FUT8: variants seen among roughly 807,000 people sequenced by gnomAD.
FUT8 encodes alpha-(1,6)-fucosyltransferase.
In FUT8, 29 loss-of-function variants were observed where a neutral mutation model predicts 71.3. The observed-to-expected ratio is 0.41, with a 90% CI of 0.30 to 0.55. The LOEUF (loss-of-function observed/expected upper bound fraction) is 0.55, where lower values mean the gene tolerates loss of function less well. FUT8 is among the 20% of genes least tolerant of loss of function. The pLI, the probability that FUT8 is intolerant of heterozygous loss-of-function variation, is 0.34. For missense variants in FUT8, 544 were observed against 702.1 expected (o/e 0.77, Z 2.55); for synonymous variants, 254 against 239.3 (o/e 1.06, Z -0.57).
At position 65,742,428 on chromosome 14, in the gene FUT8, T is replaced by G. The variant is rs1295833855; in HGVS notation, c.*18T>G. Reference sequence around the variant, plus strand: ...AGAAATAAAGCTCAGATGGAAGAGATAAACGACCAAACTCAGTTCGACCAA... The same window carrying G: ...AGAAATAAAGCTCAGATGGAAGAGAGAAACGACCAAACTCAGTTCGACCAA... On this transcript the variant is annotated 3_prime_UTR_variant, in exon 11 of 11. Transcript: ENST00000673929. The G allele has an allele frequency of 4.4e-6, 7 of 1,601,926 alleles. No homozygotes were observed. In the South Asian group the frequency reaches 4.4e-5, roughly 10 times the overall value.
chr14:65,368,543 GAT>G, the FUT8 span, among the ~76,000 whole-genome samples: 1 of 127,454 alleles, frequency 7.8e-6, no homozygotes, highest in African/African-American at 2.8e-5. Flanking sequence ...TTTTTTTTGA[GAT>G]GGAGTCTGGC....
chr14:65,669,471 C>T lies in FUT8; in HGVS notation c.826C>T (p.His276Tyr), dbSNP rs748960945. The part of the protein sequence containing the change: ...CTDRSGISTG[H>Y]WSGEVKDKNV... Reference sequence around the variant, plus strand: ...AGACAGATCTGGCATCTCCACTGGACACTGGTCAGGTAAGGAGCTTGTGCA... The same window carrying T: ...AGACAGATCTGGCATCTCCACTGGATACTGGTCAGGTAAGGAGCTTGTGCA... The change falls in exon 7 of 11, where the codon CAC becomes TAC. Residue 276 changes from histidine (H) to tyrosine (Y), a missense_variant. Transcript: ENST00000673929. The surrounding 1 kb of genome is among the most constrained non-coding windows in gnomAD (Gnocchi z 4.5). 1.9e-6 allele frequency: 3 copies of T among 1,610,470 alleles called. No homozygotes were observed. The highest frequency in any genetic ancestry group is 2.2e-5 in the South Asian group (2 of 90,988).
intron 2 of FUT8, among the ~76,000 whole-genome samples, chr14:65,546,027 AT>A (rs1177318970): frequency 6.6e-6 from 1 of 151,886 alleles, no homozygotes; most frequent in Non-Finnish European, 1.5e-5. Context: ...ACAACTTTCA[AT>A]TATTGACATT....
rs867215737 is a variant in FUT8, at chr14:65,569,780, A to G, written c.203+8014A>G. 3.9e-5 allele frequency among the ~76,000 whole-genome samples: 6 copies of G among 152,070 alleles called. No homozygotes were observed. The South Asian group carries it at 8.3e-4, about 21-fold the overall frequency. On this transcript the variant is annotated intron_variant, in intron 3 of 10. Transcript: ENST00000673929. The stretch of plus-strand genomic sequence containing the variant: ...TGATTTTAAATTTAATATATTGTGT[A>G]TAAAGGCACTGTGGAGGCTACAGAG...
intron 3 of FUT8, among the ~76,000 whole-genome samples, chr14:65,600,802 C>A (rs1043582202): frequency 6.6e-6 from 1 of 152,048 alleles, no homozygotes; most frequent in Admixed American, 6.5e-5. Context: ...TTTAAAAAAT[C>A]TGGAGATAAA....
intron 3 of FUT8, among the ~76,000 whole-genome samples, chr14:65,583,229 G>T (rs1330959939): frequency 6.6e-6 from 1 of 151,950 alleles, no homozygotes; most frequent in African/African-American, 2.4e-5. Flanking sequence ...CAGGCTGAGT[G>T]CAGTGGTGTA....
chr14:65,588,290 T>A (rs1887497835), intron 3 of FUT8, among the ~76,000 whole-genome samples: 1 of 152,182 alleles, frequency 6.6e-6, no homozygotes, highest in Admixed American at 6.5e-5. Flanking sequence ...TGCTCTTCCT[T>A]CTGTTTGAAA....
chr14:65,708,421 A>C (rs1894660740), intron 7 of FUT8, among the ~76,000 whole-genome samples: 2 of 152,226 alleles, frequency 1.3e-5, no homozygotes, highest in Admixed American at 6.5e-5. Flanking sequence ...ATGAAAATGG[A>C]CTAATACAGA....
chr14:65,512,854 G>A (rs1882447450), intron 2 of FUT8, among the ~76,000 whole-genome samples: 1 of 145,828 alleles, frequency 6.9e-6, no homozygotes, highest in Non-Finnish European at 1.5e-5. Flanking sequence ...GTTGCAGTGA[G>A]CCGACATCAC....
intron 2 of FUT8, among the ~76,000 whole-genome samples, chr14:65,523,048 CT>C (rs1883192141): frequency 6.6e-6 from 1 of 152,136 alleles, no homozygotes; most frequent in Admixed American, 6.5e-5. Context: ...GTGCATGTGT[CT>C]TTATAGCAGC....
rs761440011 is a variant in FUT8 at position 65,629,591 on chromosome 14, A to G, written c.582A>G (p.Arg194=). The G allele has an allele frequency of 6.2e-7, 1 of 1,611,568 alleles. No homozygotes were observed. ...AKDLTELVQR[R]ITYLQNPKDC... ...ATCTGACAGAACTGGTTCAGCGGAG[A>G]ATAACATATCTTCAGGTAAGAAGGT... Residue 194 remains arginine, a synonymous_variant, in exon 6 of 11, where the codon AGA becomes AGG. Transcript: ENST00000673929.
intron 1 of FUT8, among the ~76,000 whole-genome samples, chr14:65,445,822 TCTCA>T (rs1259071640): frequency 6.6e-6 from 1 of 152,148 alleles, no homozygotes. Context: ...AGAAACAGAG[TCTCA>T]CTATGTTGCC....
chr14:65,570,299 C>A lies in FUT8; in HGVS notation c.203+8533C>A, dbSNP rs562878004. Among the ~76,000 whole-genome samples the A allele has an allele frequency of 3.4e-4, 51 of 152,162 alleles. No homozygotes were observed. The South Asian group carries it at 0.01, about 31-fold the overall frequency. On this transcript the variant is annotated intron_variant, in intron 3 of 10. Coordinates refer to ENST00000673929, the MANE Select transcript of FUT8 (RefSeq NM_001371533.1). ...GATCCCTACCCAGAATCAGCAAATG[C>A]TTCCCAAGTAAGAACATAGCTAGTT...
chr14:65,486,122 T>C (rs895832945), intron 2 of FUT8, among the ~76,000 whole-genome samples: 9 of 152,334 alleles, frequency 5.9e-5, no homozygotes, highest in Middle Eastern at 3.4e-3. Flanking sequence ...GGTTTGAAAA[T>C]TACAATTTCT....
chr14:65,617,247 A>AT lies in FUT8; in HGVS notation c.482+876dup, dbSNP rs1276064137. On this transcript the variant is annotated intron_variant, in intron 5 of 10. Transcript: ENST00000673929. The stretch of plus-strand genomic sequence containing the variant: ...AGCAATATTATAATGATTTTGAAAA[A>AT]TTGCTTGGTTGTTTTAGGTGAAATT... 8.2e-6 allele frequency: 12 copies of AT among 1,458,530 alleles called. No individual in the cohort carries two copies. In the East Asian group the frequency reaches 3.1e-4, roughly 38 times the overall value. 90.3% of individuals were successfully genotyped at this position (1,458,530 alleles called of 1,614,324 possible). A position where few individuals can be genotyped will look rare whatever the true frequency, so the allele number is the denominator to read the frequency against.
chr14:65,682,017 G>A (rs1361058105), intron 7 of FUT8, among the ~76,000 whole-genome samples: 1 of 152,198 alleles, frequency 6.6e-6, no homozygotes, highest in East Asian at 1.9e-4. Flanking sequence ...AGAGACATAT[G>A]TGGCCTGCAA....
chr14:65,436,757 T>A (rs1163116790), intron 1 of FUT8, among the ~76,000 whole-genome samples: 1 of 151,686 alleles, frequency 6.6e-6, no homozygotes, highest in African/African-American at 2.4e-5. Context: ...TCACATAAAA[T>A]TTTTTTTTCT....
chr14:65,689,746 C>T (rs1893480329), intron 7 of FUT8, among the ~76,000 whole-genome samples: 1 of 152,186 alleles, frequency 6.6e-6, no homozygotes, highest in Non-Finnish European at 1.5e-5. Context: ...ACCATATTGG[C>T]CAGACTGGTC....
intron 1 of FUT8, among the ~76,000 whole-genome samples, chr14:65,420,459 G>A (rs984469527): frequency 6.6e-6 from 1 of 151,944 alleles, no homozygotes; most frequent in African/African-American, 2.4e-5. Context: ...GCTTAGAGTA[G>A]TACAGAAGTA....
Sources: allele counts gnomAD v4.1 joint callset (sites outside exome capture counted in the v4.1 genomes callset), GRCh38; gene constraint gnomAD v4.1.1; non-coding constraint Gnocchi (gnomAD v3.1); transcripts MANE v1.5; gene names NCBI Gene and HGNC (gene_info 2026-07-23, HGNC 2026-07-21).